The following NXN variants were observed in gnomAD, a reference collection of about 807,000 sequenced individuals.
NXN encodes nucleoredoxin 1.
In NXN, 16 loss-of-function variants were observed where a neutral mutation model predicts 48.6. The observed-to-expected ratio is 0.33, with a 90% CI of 0.22 to 0.50. The LOEUF is 0.50. Ranked by LOEUF, NXN falls within the 20% of genes least tolerant of loss-of-function variation. The pLI is 0.98. For missense variants in NXN, 492 were observed against 605.5 expected, an observed-to-expected ratio of 0.81 and a Z score of 1.97; for synonymous variants, 281 against 269.6, an observed-to-expected ratio of 1.04 and a Z score of -0.41.
chr17:910,168 T>C (rs930321365), intron 1 of NXN, among the ~76,000 whole-genome samples: 24 of 152,148 alleles, frequency 1.6e-4, no homozygotes, highest in African/African-American at 5.3e-4. Flanking sequence ...TCCCAGCAGT[T>C]GGGGAGGCCG....
chr17:876,249 G>GAAGAAAAGAAAAGAA (rs572383467), intron 1 of NXN, among the ~76,000 whole-genome samples: 8,953 of 150,104 alleles, frequency 0.06, 340 homozygotes, highest in South Asian at 0.19. Context: ...GAAGAGAAGA[G>GAAGAAAAGAAAAGAA]AAGAAAAGAA....
intron 5 of NXN, among the ~76,000 whole-genome samples, chr17:811,655 G>A (rs995931128): frequency 6.6e-5 from 10 of 152,148 alleles, no homozygotes; most frequent in African/African-American, 1.4e-4. Flanking sequence ...GAAGGAAGCC[G>A]GTGGCCAGCC....
chr17:975,476 G>A (rs936791292), intron 1 of NXN, among the ~76,000 whole-genome samples: 1 of 152,190 alleles, frequency 6.6e-6, no homozygotes, highest in Non-Finnish European at 1.5e-5. Context: ...CATTGAGTCT[G>A]AACTGAAAGA....
chr17:824,933 C>T (rs75721334), intron 2 of NXN, among the ~76,000 whole-genome samples: 241 of 152,252 alleles, frequency 1.6e-3, no homozygotes, highest in African/African-American at 5.2e-3. Flanking sequence ...AGGTCGGGCT[C>T]GGGATCCACA....
Position 805,096 on chromosome 17 carries a change from G to A in NXN, c.972C>T (p.Asn324=), listed in dbSNP as rs575518047. ...CAAAAAGGACGAGGCAGGGGCCCTC[G>A]TTAAGCTGCGCGGCGTTGGAGTCGG... is the stretch of plus-strand genomic sequence containing the variant. ...ELSDSNAAQL[N]EGPCLVLFVD... is the part of the protein sequence containing the mutation. The change falls in exon 6 of 8, where the codon AAC becomes AAT. Residue 324 remains asparagine, a synonymous_variant. Transcript: ENST00000336868. 3.4e-5 allele frequency: 55 copies of A among 1,606,444 alleles called. No individual in the cohort carries two copies. In the Admixed American group the frequency reaches 6.2e-4, roughly 18 times the overall value.
chr17:977,741 T>C (rs1002609052), intron 1 of NXN, among the ~76,000 whole-genome samples: 2 of 152,204 alleles, frequency 1.3e-5, no homozygotes, highest in Admixed American at 1.3e-4. Context: ...TTTTGGCAAA[T>C]CCCTTTCTGA....
chr17:940,341 A>G (rs2068957311), intron 1 of NXN, among the ~76,000 whole-genome samples: 1 of 151,074 alleles, frequency 6.6e-6, no homozygotes, highest in Non-Finnish European at 1.5e-5. Flanking sequence ...CTATCTTCCC[A>G]TCTCTGTCTC....
intron 5 of NXN, among the ~76,000 whole-genome samples, chr17:809,854 G>A (rs79658631): frequency 0.19 from 25,620 of 131,624 alleles, 3,422 homozygotes; most frequent in East Asian, 0.3. Context: ...TGCGAGCGGC[G>A]GGCACCTTAC....
At chr17:971,432 C>T (rs150172946) in intron 1 of NXN, among the ~76,000 whole-genome samples, 2 of 151,934 alleles carry the variant, frequency 1.3e-5, no homozygotes, top group African/African-American at 4.8e-5. Context: ...AAAAACAGAC[C>T]GAGCGCGGTG....
Position 923,581 on chromosome 17 carries a change from G to A in NXN, c.360+55738C>T, listed in dbSNP as rs1463467713. On this transcript the variant is annotated intron_variant, in intron 1 of 7. Coordinates refer to ENST00000336868, the MANE Select transcript of NXN (RefSeq NM_022463.5). ...GGCCATCCCATCCAAGCAAAAATTG[G>A]AAAATGTAATGTTCAACAACATATC... 2.0e-5 allele frequency among the ~76,000 whole-genome samples: 3 copies of A among 152,160 alleles called. No individual in the cohort carries two copies. In the East Asian group the frequency reaches 5.8e-4, roughly 29 times the overall value.
At chr17:839,692 CGCAGGAGGTTGAG>C (rs1914027930) in intron 1 of NXN, among the ~76,000 whole-genome samples, 3 of 150,226 alleles carry the variant, frequency 2.0e-5, no homozygotes, top group Non-Finnish European at 3.0e-5. Flanking sequence ...GTCCCAGCTA[CGCAGGAGGTTGAG>C]GCAGGAGGAT....
intron 1 of NXN, among the ~76,000 whole-genome samples, chr17:913,525 C>G (rs187992780): frequency 2.0e-5 from 3 of 152,174 alleles, no homozygotes; most frequent in African/African-American, 4.8e-5. Context: ...AAAGGAGAGT[C>G]GGTCAGTTTC....
chr17:853,723 A>ATAT lies in NXN; in HGVS notation c.361-27646_361-27645insATA, dbSNP rs1491528474. On this transcript the variant is annotated intron_variant, in intron 1 of 7. Coordinates refer to ENST00000336868, the MANE Select transcript of NXN (RefSeq NM_022463.5). Reference sequence around the variant, plus strand: ...TACACATATATATATATATATATATATTTTTTTTTTTTTTTCCAAGACGGA... The same window carrying ATAT: ...TACACATATATATATATATATATATATATTTTTTTTTTTTTTTTCCAAGACGGA... 6.0e-3 allele frequency among the ~76,000 whole-genome samples: 635 copies of ATAT among 105,958 alleles called. 9 individuals are homozygous for ATAT. Among genetic ancestry groups the ATAT allele is most frequent in the African/African-American group, 0.019 (440 of 23,224 alleles). The allele number at this position is 105,958 out of a possible 152,430, so 69.5% of individuals were successfully genotyped here. A position where few individuals can be genotyped will look rare whatever the true frequency, so the allele number is the denominator to read the frequency against.
At chr17:970,711 T>G (rs1391627006) in intron 1 of NXN, among the ~76,000 whole-genome samples, 1 of 152,196 alleles carries the variant, frequency 6.6e-6, no homozygotes, top group African/African-American at 2.4e-5. Context: ...TTAAGGGAGT[T>G]CAGCCAAGCT....
chr17:977,114 T>C (rs2069469884), intron 1 of NXN, among the ~76,000 whole-genome samples: 1 of 152,142 alleles, frequency 6.6e-6, no homozygotes, highest in Non-Finnish European at 1.5e-5. Context: ...TCCAAGAGTA[T>C]GTGTTCCATA....
At chr17:925,994 T>C (rs891698719) in intron 1 of NXN, among the ~76,000 whole-genome samples, 1 of 152,228 alleles carries the variant, frequency 6.6e-6, no homozygotes, top group African/African-American at 2.4e-5. Context: ...CTGATTCTCG[T>C]TGCAAAAGAG....
chr17:810,397 A>C (rs1911914068), intron 5 of NXN, among the ~76,000 whole-genome samples: 1 of 152,142 alleles, frequency 6.6e-6, no homozygotes, highest in Admixed American at 6.6e-5. Flanking sequence ...GGGTGGGATG[A>C]CAGCGAGATA....
In NXN at chr17:932,010, G is replaced by A. The variant is rs1264707472; in HGVS notation, c.360+47309C>T. ...AATACAAAAATTAGCCAGGTGTGGT[G>A]GTGGGTGCCTATAATCCCAGCTAAT... On this transcript the variant is annotated intron_variant, in intron 1 of 7. Transcript: ENST00000336868. The surrounding 1 kb of genome is among the most constrained non-coding windows in gnomAD (Gnocchi z 4.1). Among the ~76,000 whole-genome samples, 2 of 147,996 alleles carry A rather than the reference G, an allele frequency of 1.4e-5. No homozygotes were observed. The highest frequency in any genetic ancestry group is 5.3e-5 in the African/African-American group (2 of 37,678).
At chr17:833,112 C>T (rs1315847099) in intron 1 of NXN, among the ~76,000 whole-genome samples, 5 of 152,078 alleles carry the variant, frequency 3.3e-5, no homozygotes, top group East Asian at 3.9e-4. Flanking sequence ...AGGATGGTCT[C>T]GACCTCCTGA....
Sources: gnomAD v4.1 joint callset for allele counts (sites outside exome capture counted in the v4.1 genomes callset) on GRCh38, gnomAD v4.1.1 for gene constraint, Gnocchi (gnomAD v3.1) non-coding constraint, MANE v1.5 for transcripts, NCBI Gene and HGNC (gene_info 2026-07-23, HGNC 2026-07-21) for gene names.